The following JPT1 variants were observed in gnomAD, a reference collection of about 807,000 sequenced individuals.
JPT1 encodes androgen-regulated protein 2.
In JPT1, 5 loss-of-function variants were observed where a neutral mutation model predicts 17.0. That is an observed-to-expected ratio of 0.29 (90% confidence interval 0.15 to 0.62). JPT1 has a LOEUF of 0.62. Among genes scored for constraint, JPT1 ranks in the 20% least tolerant of loss-of-function variants. The pLI is 0.85. For missense variants in JPT1, 158 were observed against 188.1 expected (o/e 0.84, Z 0.94); for synonymous variants, 71 against 73.6 (o/e 0.96, Z 0.18).
chr17:75,144,786 C>T (rs1401745254), intron 4 of JPT1, among the ~76,000 whole-genome samples: 2 of 152,068 alleles, frequency 1.3e-5, no homozygotes, highest in African/African-American at 4.8e-5. Context: ...GGAGGACTCC[C>T]AACTGGTGTC....
chr17:75,144,531 G>A (rs147300603), intron 4 of JPT1, among the ~76,000 whole-genome samples: 2 of 152,138 alleles, frequency 1.3e-5, no homozygotes, highest in Non-Finnish European at 2.9e-5. Context: ...AAAAAAAAAT[G>A]TATCATATAT....
chr17:75,143,973 T>G (rs1009395133), intron 4 of JPT1, among the ~76,000 whole-genome samples: 2 of 151,984 alleles, frequency 1.3e-5, no homozygotes, highest in Non-Finnish European at 2.9e-5. Flanking sequence ...TAGTGAGCAA[T>G]GAGATTGTGC....
At chr17:75,139,687 G>A (rs2074271936) in intron 4 of JPT1, among the ~76,000 whole-genome samples, 1 of 152,016 alleles carries the variant, frequency 6.6e-6, no homozygotes. Context: ...GGGCGTGTGT[G>A]CGCGCCTGTA....
Position 75,148,688 on chromosome 17 carries a change from A to G in JPT1, c.57-17T>C, listed in dbSNP as rs2074487107. On this transcript the variant is annotated splice_polypyrimidine_tract_variant and intron_variant, in intron 1 of 4. Coordinates refer to ENST00000409753, the MANE Select transcript of JPT1 (RefSeq NM_016185.4). Reference sequence around the variant, plus strand: ...CGCAAAACTCTGCAAATAATGGCAAAACATCAACTTCAGATCATACTGAAA... The same window carrying G: ...CGCAAAACTCTGCAAATAATGGCAAGACATCAACTTCAGATCATACTGAAA... 1 of 1,613,274 alleles carries G rather than the reference A, an allele frequency of 6.2e-7. No homozygotes were observed. The highest frequency in any genetic ancestry group is 1.3e-5 in the African/African-American group (1 of 74,872).
intron 1 of JPT1, among the ~76,000 whole-genome samples, chr17:75,149,858 CACTT>C (rs1264108892): frequency 2.8e-3 from 134 of 48,156 alleles, no homozygotes; most frequent in African/African-American, 6.6e-3. Context: ...ATCACTTACA[CACTT>C]ACACACACAC....
At position 75,147,573 on chromosome 17, in the gene JPT1, C is replaced by T. The variant is rs1462423495; in HGVS notation, c.280G>A (p.Asp94Asn). 2 of 1,613,594 alleles carry T rather than the reference C, an allele frequency of 1.2e-6. No individual in the cohort carries two copies. Among genetic ancestry groups the T allele is most frequent in the Non-Finnish European group, 1.7e-6 (2 of 1,179,516 alleles). The change falls in exon 3 of 5, where the codon GAC (aspartate) becomes AAC (asparagine). Residue 94 changes from aspartate to asparagine, a missense_variant. Physicochemically the swap from Asp to Asn is conservative, Grantham distance 23. Transcript: ENST00000409753. ...RRNSSEASSG[D>N]FLDLKGEGDI... ...ACACTGACCTTCAGATCTAAGAAGTCTCCGGAGCTTGCTTCAGAGGAGTTC... is the reference window on the plus strand; with the variant it reads ...ACACTGACCTTCAGATCTAAGAAGTTTCCGGAGCTTGCTTCAGAGGAGTTC...
At chr17:75,150,305 G>T (rs1568036926) in intron 1 of JPT1, among the ~76,000 whole-genome samples, 1 of 151,586 alleles carries the variant, frequency 6.6e-6, no homozygotes, top group African/African-American at 2.4e-5. Flanking sequence ...CCAGGCTAGA[G>T]TGCAGTGGTG....
intron 4 of JPT1, chr17:75,138,630 C>T (rs559315872): frequency 6.6e-6 from 1 of 151,974 alleles, no homozygotes; most frequent in African/African-American, 2.4e-5. Context: ...CTTGTCTCAA[C>T]CTCCTGACCG....
At chr17:75,154,314 C>A in intron 1 of JPT1, 28 bp downstream of exon 1, 5 of 1,531,132 alleles carry the variant, frequency 3.3e-6, no homozygotes, top group Non-Finnish European at 4.4e-6. Flanking sequence ...CAGCCCCGCG[C>A]GGCTCGGGCG....
rs532460255 is a variant in JPT1 at position 75,153,419 on chromosome 17, A to G, written c.56+923T>C. ...CAGGTAGCGCTACCACGTTAGAGAC[A>G]ATGGATGTCTCCGGCCCCGCCCAAG... On this transcript the variant is annotated intron_variant, in intron 1 of 4. Coordinates refer to ENST00000409753, the MANE Select transcript of JPT1 (RefSeq NM_016185.4). The G allele has an allele frequency of 2.6e-5, 4 of 152,326 alleles. No individual in the cohort carries two copies. The East Asian group carries it at 5.8e-4, about 22-fold the overall frequency. The allele number at this position is 152,326 out of a possible 1,614,324, so 9.4% of individuals were successfully genotyped here.
At chr17:75,141,366 A>T (rs1375678114) in intron 4 of JPT1, 1 of 152,216 alleles carries the variant, frequency 6.6e-6, no homozygotes, top group Non-Finnish European at 1.5e-5. Context: ...TCAGAAACTT[A>T]AAAAGGCCGG....
intron 4 of JPT1, among the ~76,000 whole-genome samples, chr17:75,137,533 T>G (rs117964784): frequency 0.035 from 5,323 of 150,422 alleles, 138 homozygotes; most frequent in Non-Finnish European, 0.054. Flanking sequence ...TTTTTGTTTT[T>G]TTTTTTTTTT....
At chr17:75,143,464 CAGG>C (rs2074365892) in intron 4 of JPT1, among the ~76,000 whole-genome samples, 1 of 151,324 alleles carries the variant, frequency 6.6e-6, no homozygotes, top group African/African-American at 2.4e-5. Flanking sequence ...GAGGCTGAGG[CAGG>C]AGAATTGCTT....
chr17:75,147,847 A>C, intron 2 of JPT1, 194 bp from the exon 3 acceptor site: 1 of 529,004 alleles, frequency 1.9e-6, no homozygotes. Context: ...AAAAATATAA[A>C]AATTGGCTGG....
chr17:75,136,643 C>T (rs957774096), intron 4 of JPT1, among the ~76,000 whole-genome samples: 1 of 152,168 alleles, frequency 6.6e-6, no homozygotes, highest in Admixed American at 6.5e-5. Context: ...AGGCGCCTGC[C>T]GCCATGCCCG....
At chr17:75,152,525 T>C (rs888310953) in intron 1 of JPT1, among the ~76,000 whole-genome samples, 1 of 152,128 alleles carries the variant, frequency 6.6e-6, no homozygotes, top group Non-Finnish European at 1.5e-5. Flanking sequence ...TGGAGGGAAA[T>C]TGATGACGAA....
intron 4 of JPT1, chr17:75,141,320 A>G (rs2074303280): frequency 6.6e-6 from 1 of 152,240 alleles, no homozygotes; most frequent in Non-Finnish European, 1.5e-5. Flanking sequence ...CAGATGAACT[A>G]AAGTTGCAGC....
At chr17:75,151,626 G>A (rs1353199718) in intron 1 of JPT1, among the ~76,000 whole-genome samples, 1 of 151,820 alleles carries the variant, frequency 6.6e-6, no homozygotes, top group Non-Finnish European at 1.5e-5. Flanking sequence ...TCATGCCACT[G>A]CACTCCAGCC....
intron 4 of JPT1, among the ~76,000 whole-genome samples, chr17:75,140,693 C>T (rs910260374): frequency 7.9e-5 from 12 of 152,178 alleles, no homozygotes; most frequent in East Asian, 1.9e-4. Flanking sequence ...CCAGGCACAG[C>T]GGCTCACACC....
Sources: gnomAD v4.1 joint callset for allele counts (sites outside exome capture counted in the v4.1 genomes callset) on GRCh38, gnomAD v4.1.1 for gene constraint, MANE v1.5 for transcripts, NCBI Gene and HGNC (gene_info 2026-07-23, HGNC 2026-07-21) for gene names.